SPMIP7: variants seen among roughly 807,000 people sequenced by gnomAD.
SPMIP7 encodes protein SPMIP7.
the SPMIP7 span, among the ~76,000 whole-genome samples, chr7:50,102,186 T>C: frequency 1.3e-5 from 2 of 152,156 alleles, no homozygotes; most frequent in East Asian, 3.8e-4. Context: ...GACCTGGTTG[T>C]GCTGGCGCGT....
chr7:50,117,754 A>C, the SPMIP7 span, among the ~76,000 whole-genome samples: 1 of 152,346 alleles, frequency 6.6e-6, no homozygotes, highest in South Asian at 2.1e-4. Context: ...TACAGAAGAG[A>C]ACTCTCACCT....
the SPMIP7 span, among the ~76,000 whole-genome samples, chr7:50,098,610 T>C: frequency 2.0e-5 from 3 of 152,292 alleles, no homozygotes; most frequent in East Asian, 3.9e-4. Flanking sequence ...AATCATGGAA[T>C]TGGTATATTT....
chr7:50,131,546 A>G, the SPMIP7 span, among the ~76,000 whole-genome samples: 1 of 152,190 alleles, frequency 6.6e-6, no homozygotes, highest in Non-Finnish European at 1.5e-5. Context: ...ACTAAAGGTG[A>G]AGTATAGTCA....
the SPMIP7 span, among the ~76,000 whole-genome samples, chr7:50,128,936 T>C: frequency 6.6e-6 from 1 of 151,884 alleles, no homozygotes; most frequent in African/African-American, 2.4e-5. Flanking sequence ...GTCCTAAATA[T>C]AAGCAGAGGG....
chr7:50,096,742 A>G, the SPMIP7 span: 2 of 914,772 alleles, frequency 2.2e-6, no homozygotes, highest in Non-Finnish European at 1.5e-6. Flanking sequence ...AATTACAATG[A>G]TCTGAAAAAG....
the SPMIP7 span, among the ~76,000 whole-genome samples, chr7:50,113,615 G>A: frequency 1.3e-5 from 2 of 151,906 alleles, no homozygotes; most frequent in South Asian, 4.2e-4. Context: ...TAAAGACATA[G>A]CAACATAAAC....
the SPMIP7 span, among the ~76,000 whole-genome samples, chr7:50,135,375 T>C: frequency 2.6e-5 from 4 of 152,204 alleles, no homozygotes; most frequent in African/African-American, 9.6e-5. Flanking sequence ...ATCAATTATA[T>C]TGAAATACAG....
chr7:50,104,086 A>G, the SPMIP7 span, among the ~76,000 whole-genome samples: 103 of 152,352 alleles, frequency 6.8e-4, no homozygotes, highest in Middle Eastern at 3.4e-3. Flanking sequence ...TCTTCTAATA[A>G]TAAGTAAGAA....
chr7:50,111,665 G>T, the SPMIP7 span, among the ~76,000 whole-genome samples: 9 of 152,126 alleles, frequency 5.9e-5, no homozygotes, highest in African/African-American at 2.2e-4. Context: ...GAAAAGAAAT[G>T]ATTTGGGTGC....
At chr7:50,139,075 G>A in the SPMIP7 span, among the ~76,000 whole-genome samples, 3 of 152,022 alleles carry the variant, frequency 2.0e-5, no homozygotes, top group African/African-American at 7.2e-5. Context: ...TATTGACCAG[G>A]TGTGGGGGCT....
the SPMIP7 span, among the ~76,000 whole-genome samples, chr7:50,136,910 G>A: frequency 6.6e-6 from 1 of 151,994 alleles, no homozygotes; most frequent in African/African-American, 2.4e-5. Context: ...ATATGACATA[G>A]TCTGTGTGTA....
the SPMIP7 span, chr7:50,129,761 A>G: frequency 6.5e-7 from 1 of 1,549,290 alleles, no homozygotes; most frequent in Non-Finnish European, 8.7e-7. Flanking sequence ...AATGTAATGC[A>G]AAGGACTCAT....
At chr7:50,120,990 T>A in the SPMIP7 span, among the ~76,000 whole-genome samples, 1 of 152,184 alleles carries the variant, frequency 6.6e-6, no homozygotes, top group African/African-American at 2.4e-5. Flanking sequence ...TTTCTTTATA[T>A]TATCCTCCCA....
chr7:50,157,204 C>G, the SPMIP7 span, among the ~76,000 whole-genome samples: 3 of 152,138 alleles, frequency 2.0e-5, no homozygotes, highest in Non-Finnish European at 4.4e-5. Context: ...GCCATATACT[C>G]CCACACCATA....
the SPMIP7 span, among the ~76,000 whole-genome samples, chr7:50,155,712 A>G: frequency 6.6e-6 from 1 of 151,620 alleles, no homozygotes; most frequent in African/African-American, 2.4e-5. Flanking sequence ...CCCAGAGAAT[A>G]TAACTTGTAT....
the SPMIP7 span, chr7:50,135,993 G>T: frequency 2.5e-6 from 2 of 785,406 alleles, no homozygotes; most frequent in Non-Finnish European, 4.3e-6. Context: ...AGGGAGCCTG[G>T]GGCATAGCTA....
chr7:50,114,781 G>A, the SPMIP7 span, among the ~76,000 whole-genome samples: 1 of 152,148 alleles, frequency 6.6e-6, no homozygotes, highest in African/African-American at 2.4e-5. Flanking sequence ...TGTAATTCCA[G>A]CACTTTGGGA....
the SPMIP7 span, among the ~76,000 whole-genome samples, chr7:50,103,514 T>TG: frequency 1.3e-5 from 2 of 152,178 alleles, no homozygotes; most frequent in African/African-American, 4.8e-5. Flanking sequence ...TATCTACCAT[T>TG]TTACAATCTG....
chr7:50,154,902 G>A, the SPMIP7 span, among the ~76,000 whole-genome samples: 1 of 152,098 alleles, frequency 6.6e-6, no homozygotes, highest in Non-Finnish European at 1.5e-5. Context: ...TAATTGGTGT[G>A]AGGTGATATC....
Sources: allele counts gnomAD v4.1 joint callset (sites outside exome capture counted in the v4.1 genomes callset), GRCh38; gene constraint gnomAD v4.1.1; transcripts MANE v1.5; gene names NCBI Gene and HGNC (gene_info 2026-07-23, HGNC 2026-07-21).